L3MBTL2: variants seen among roughly 807,000 people sequenced by gnomAD.
L3MBTL2 encodes lethal(3)malignant brain tumor-like protein 2.
L3MBTL2 carries 49 observed loss-of-function variants against 86.4 expected under a neutral mutation model. The ratio of observed to expected loss-of-function variants is 0.57; its 90% CI spans 0.45 to 0.72. L3MBTL2 has a LOEUF of 0.72. Among genes scored for constraint, L3MBTL2 ranks in the 30% least tolerant of loss-of-function variants. The pLI, the probability that L3MBTL2 is intolerant of heterozygous loss-of-function variation, is 0.00. For missense variants in L3MBTL2, 755 were observed against 923.7 expected (o/e 0.82, Z 2.37); for synonymous variants, 336 against 350.6 (o/e 0.96, Z 0.47).
chr22:41,230,712 A>G lies in L3MBTL2; in HGVS notation c.*461A>G, dbSNP rs2032543003. ...TCTGAGCAGGATAAGGTCCCCTGAC[A>G]GTGAGTTGTGTGGTGGGGGCAGCCT... On this transcript the variant is annotated 3_prime_UTR_variant, in exon 17 of 17. Transcript: ENST00000216237. 6.4e-6 allele frequency: 1 copy of G among 157,274 alleles called. No individual in the cohort carries two copies. Among genetic ancestry groups the G allele is most frequent in the African/African-American group, 2.4e-5 (1 of 41,506 alleles). The allele number at this position is 157,274 out of a possible 1,614,324, so 9.7% of individuals were successfully genotyped here.
intron 8 of L3MBTL2, among the ~76,000 whole-genome samples, chr22:41,222,093 G>T (rs1197372769): frequency 1.3e-5 from 2 of 150,254 alleles, no homozygotes; most frequent in African/African-American, 4.9e-5. Context: ...AGTAGAGATG[G>T]GGTTTCACCA....
intron 8 of L3MBTL2, 173 bp downstream of exon 8, chr22:41,221,460 T>TTTC: frequency 1.6e-6 from 1 of 628,710 alleles, no homozygotes; most frequent in Non-Finnish European, 2.9e-6. Context: ...GCCATCTGCC[T>TTTC]TTCTAGCCTG....
chr22:41,227,453 AGAGT>A lies in L3MBTL2; in HGVS notation c.1822+134_1822+137del. On this transcript the variant is annotated intron_variant, in intron 14 of 16. Coordinates refer to ENST00000216237, the MANE Select transcript of L3MBTL2 (RefSeq NM_031488.5). The surrounding 1 kb of genome is among the most constrained non-coding windows in gnomAD (Gnocchi z 6.0). ...ATGTCTCATGGACCACTTTAAGTAG[AGAGT>A]GAGCCCCGTCACCCAGCCCCTGCTC... 8.4e-7 allele frequency: 1 copy of A among 1,193,632 alleles called. No individual in the cohort carries two copies. The highest frequency in any genetic ancestry group is 1.2e-6 in the Non-Finnish European group (1 of 824,974). 73.9% of individuals were successfully genotyped at this position (1,193,632 alleles called of 1,614,324 possible). A position where few individuals can be genotyped will look rare whatever the true frequency, so the allele number is the denominator to read the frequency against.
At position 41,225,050 on chromosome 22, in the gene L3MBTL2, C is replaced by G; in HGVS notation, c.1335C>G (p.Ile445Met). 1 of 1,613,954 alleles carries G rather than the reference C, an allele frequency of 6.2e-7. No individual in the cohort carries two copies. Among genetic ancestry groups the G allele is most frequent in the Non-Finnish European group, 8.5e-7 (1 of 1,179,888 alleles). Reference protein sequence around the residue: ...EAIDPLNLGNICVATVCKVLL... With the variant: ...EAIDPLNLGNMCVATVCKVLL... ...TTGACCCCCTGAATCTGGGCAACAT[C>G]TGCGTGGCAACTGTCTGTAAGGTGA... is the stretch of plus-strand genomic sequence containing the variant. Residue 445 changes from isoleucine (I) to methionine (M), a missense_variant, in exon 11 of 17, where the codon ATC (isoleucine) becomes ATG (methionine). Physicochemically the swap from Ile to Met is conservative, Grantham distance 10. Coordinates refer to ENST00000216237, the MANE Select transcript of L3MBTL2 (RefSeq NM_031488.5). The surrounding 1 kb of genome is among the most constrained non-coding windows in gnomAD (Gnocchi z 4.1).
At chr22:41,214,269 A>T in intron 3 of L3MBTL2, 1 of 367,216 alleles carries the variant, frequency 2.7e-6, no homozygotes. Flanking sequence ...TATTCAGTAC[A>T]TTTTAAACAA....
intron 2 of L3MBTL2, among the ~76,000 whole-genome samples, chr22:41,210,393 G>A (rs7289861): frequency 0.42 from 63,137 of 151,408 alleles, 13,817 homozygotes; most frequent in African/African-American, 0.56. Context: ...GCAGTGGCGC[G>A]ATCTCGGCTC....
intron 13 of L3MBTL2, 124 bp from the exon 14 acceptor site, chr22:41,226,965 T>C: frequency 2.3e-6 from 2 of 855,368 alleles, no homozygotes; most frequent in Non-Finnish European, 3.6e-6. Context: ...TAGAGGAAGC[T>C]GCCCCAGCAG....
chr22:41,224,362 C>T lies in L3MBTL2; in HGVS notation c.1174+111C>T. 1 of 763,840 alleles carries T rather than the reference C, an allele frequency of 1.3e-6. No individual in the cohort carries two copies. The highest frequency in any genetic ancestry group is 2.1e-6 in the Non-Finnish European group (1 of 468,962). 47.3% of individuals were successfully genotyped at this position (763,840 alleles called of 1,614,324 possible). ...TCAGCAGGTGGAGGTTGGCATGGCC[C>T]CCCTGCAGTGATGATACTGAGCTCC... On this transcript the variant is annotated intron_variant, in intron 9 of 16. Coordinates refer to ENST00000216237, the MANE Select transcript of L3MBTL2 (RefSeq NM_031488.5). The surrounding 1 kb of genome is among the most constrained non-coding windows in gnomAD (Gnocchi z 4.9).
chr22:41,228,012 T>C, intron 15 of L3MBTL2, 143 bp downstream of exon 15: 1 of 1,427,558 alleles, frequency 7.0e-7, no homozygotes, highest in East Asian at 2.7e-5. Flanking sequence ...GTTCCTGTCC[T>C]GTCTCTTTCC....
chr22:41,225,129 C>A lies in L3MBTL2; in HGVS notation c.1356+58C>A. 7.1e-7 allele frequency: 1 copy of A among 1,410,920 alleles called. No individual in the cohort carries two copies. Among genetic ancestry groups the A allele is most frequent in the Non-Finnish European group, 9.9e-7 (1 of 1,013,168 alleles). 87.4% of individuals were successfully genotyped at this position (1,410,920 alleles called of 1,614,324 possible). ...TTTCTGAGCGGGGGGACCCATGTGG[C>A]CCAGAGCTCTAACCCCACTCGCCAC... is the stretch of plus-strand genomic sequence containing the variant. On this transcript the variant is annotated intron_variant, in intron 11 of 16. Transcript: ENST00000216237. This position sits in a 1 kb window ranked among gnomAD's most constrained non-coding sequence, Gnocchi z 4.1.
At chr22:41,220,594 C>T (rs920017434) in intron 6 of L3MBTL2, 140 bp from the exon 7 acceptor site, 9 of 784,980 alleles carry the variant, frequency 1.1e-5, no homozygotes, top group African/African-American at 5.3e-5. Context: ...GGAGGTGGAG[C>T]TTGCAGTGAG....
At chr22:41,217,697 A>G (rs1212513466) in intron 5 of L3MBTL2, 1 of 160,868 alleles carries the variant, frequency 6.2e-6, no homozygotes, top group Non-Finnish European at 1.4e-5. Flanking sequence ...CCGAATATCC[A>G]GCAGCTGTGA....
chr22:41,209,560 T>C, intron 1 of L3MBTL2, 136 bp from the exon 2 acceptor site: 1 of 700,196 alleles, frequency 1.4e-6, no homozygotes, highest in Non-Finnish European at 2.5e-6. Context: ...GAAGTAATGA[T>C]CTTGGTGTTT....
chr22:41,224,949 C>A lies in L3MBTL2; in HGVS notation c.1252-18C>A. ...CCTGGCCTGCCCAGGGAGTCCCCAGCTGTCCCATTCCTTTAAGGTACGAGC... is the reference window on the plus strand; with the variant it reads ...CCTGGCCTGCCCAGGGAGTCCCCAGATGTCCCATTCCTTTAAGGTACGAGC... On this transcript the variant is annotated intron_variant, in intron 10 of 16. Transcript: ENST00000216237. The surrounding 1 kb of genome is among the most constrained non-coding windows in gnomAD (Gnocchi z 4.9). The A allele has an allele frequency of 6.2e-7, 1 of 1,608,076 alleles. No individual in the cohort carries two copies. Among genetic ancestry groups the A allele is most frequent in the Non-Finnish European group, 8.5e-7 (1 of 1,175,358 alleles).
At chr22:41,230,093 CAGAGTTATTTACTCGCCCA>C in intron 16 of L3MBTL2, 27 bp from the exon 17 acceptor site, 1 of 965,788 alleles carries the variant, frequency 1.0e-6, no homozygotes, top group African/African-American at 1.7e-5. Flanking sequence ...CCACCCCTCC[CAGAGTTATTTACTCGCCCA>C]CCCACCCGCC....
intron 1 of L3MBTL2, chr22:41,209,247 G>A: frequency 6.0e-6 from 1 of 165,990 alleles, no homozygotes. Flanking sequence ...GACTACAGGT[G>A]CCCGCCACCA....
At position 41,227,903 on chromosome 22, in the gene L3MBTL2, G is replaced by A. The variant is rs1294795868; in HGVS notation, c.1888+34G>A. On this transcript the variant is annotated intron_variant, in intron 15 of 16. Coordinates refer to ENST00000216237, the MANE Select transcript of L3MBTL2 (RefSeq NM_031488.5). The surrounding 1 kb of genome is among the most constrained non-coding windows in gnomAD (Gnocchi z 6.0). ...TGCACCGGTGCAGCCAGGCTGGTGT[G>A]GGCCTGGGAGCAGTGGGCCTGCGTC... is the stretch of plus-strand genomic sequence containing the variant. The A allele has an allele frequency of 6.2e-7, 1 of 1,607,296 alleles. No individual in the cohort carries two copies. The highest frequency in any genetic ancestry group is 1.1e-5 in the South Asian group (1 of 90,228).
chr22:41,226,793 G>T, intron 13 of L3MBTL2, 49 bp downstream of exon 13: 1 of 1,310,462 alleles, frequency 7.6e-7, no homozygotes, highest in South Asian at 1.2e-5. Context: ...CTCAGGACAG[G>T]CCCTGCCTGC....
chr22:41,213,889 C>A lies in L3MBTL2; in HGVS notation c.263-4C>A, dbSNP rs1229910779. On this transcript the variant is annotated splice_polypyrimidine_tract_variant and splice_region_variant and intron_variant, in intron 2 of 16. Coordinates refer to ENST00000216237, the MANE Select transcript of L3MBTL2 (RefSeq NM_031488.5). Reference sequence around the variant, plus strand: ...GTGAGTCATGTGCTAAGTTCTCTTCCCAGCTGTCTGTGAGATGTGTGGTAT... The same window carrying A: ...GTGAGTCATGTGCTAAGTTCTCTTCACAGCTGTCTGTGAGATGTGTGGTAT... The A allele has an allele frequency of 6.2e-7, 1 of 1,614,090 alleles. No individual in the cohort carries two copies. The highest frequency in any genetic ancestry group is 1.1e-5 in the South Asian group (1 of 91,070).
Sources: allele counts gnomAD v4.1 joint callset (sites outside exome capture counted in the v4.1 genomes callset), GRCh38; gene constraint gnomAD v4.1.1; non-coding constraint Gnocchi (gnomAD v3.1); transcripts MANE v1.5; gene names NCBI Gene and HGNC (gene_info 2026-07-23, HGNC 2026-07-21).